Variants in DYNC1LI1 observed in about 807,000 individuals in gnomAD.
The protein encoded by DYNC1LI1 is dynein cytoplasmic 1 light intermediate chain 1, also known as cytoplasmic dynein 1 light intermediate chain 1.
Under a neutral mutation model 63.8 loss-of-function variants are expected in DYNC1LI1, and 19 were observed. The ratio of observed to expected loss-of-function variants is 0.30; its 90% CI spans 0.21 to 0.44. DYNC1LI1 has a LOEUF of 0.44. DYNC1LI1 is among the 20% of genes least tolerant of loss of function. DYNC1LI1 has a pLI of 1.00. For synonymous variants in DYNC1LI1, 225 were observed against 232.3 expected (o/e 0.97, Z 0.28); for missense variants, 565 against 630.2 (o/e 0.90, Z 1.11).
At chr3:32,553,258 A>G (rs1469967827) in intron 2 of DYNC1LI1, among the ~76,000 whole-genome samples, 1 of 152,054 alleles carries the variant, frequency 6.6e-6, no homozygotes, top group Non-Finnish European at 1.5e-5. Flanking sequence ...CAGCTCAGGC[A>G]TGGGAGAATC....
intron 2 of DYNC1LI1, among the ~76,000 whole-genome samples, chr3:32,551,480 GAGA>G (rs1698038513): frequency 6.6e-6 from 1 of 152,212 alleles, no homozygotes; most frequent in African/African-American, 2.4e-5. Context: ...ATGCCAAGCT[GAGA>G]AGGTCAGACT....
intron 2 of DYNC1LI1, chr3:32,566,711 C>A (rs1194746974): frequency 4.6e-6 from 2 of 435,616 alleles, no homozygotes; most frequent in Non-Finnish European, 9.1e-6. Context: ...ACACTCTAGC[C>A]GGGGCAACAA....
rs574629394 is a variant in DYNC1LI1, at chr3:32,551,780, C to T, written c.221-5815G>A. ...ACTTCAGAAACACCATCCTCTTTAC[C>T]AGCTGCCTCTGAAGTGTTTGGTCCT... On this transcript the variant is annotated intron_variant, in intron 2 of 12. Transcript: ENST00000273130. Among the ~76,000 whole-genome samples the T allele has an allele frequency of 5.3e-5, 8 of 152,264 alleles. No homozygotes were observed. The South Asian group carries it at 1.7e-3, about 32-fold the overall frequency.
At chr3:32,545,820 C>A in intron 3 of DYNC1LI1, 29 bp downstream of exon 3, 1 of 1,506,074 alleles carries the variant, frequency 6.6e-7, no homozygotes, top group Non-Finnish European at 9.2e-7. Flanking sequence ...AAATAGACTT[C>A]AGAAATTTAT....
intron 2 of DYNC1LI1, among the ~76,000 whole-genome samples, chr3:32,559,972 G>C (rs1360445680): frequency 6.6e-6 from 1 of 152,136 alleles, no homozygotes; most frequent in Non-Finnish European, 1.5e-5. Context: ...CCATCTCCTA[G>C]AGGGCATCTT....
At chr3:32,566,287 G>A (rs1698258760) in intron 2 of DYNC1LI1, among the ~76,000 whole-genome samples, 1 of 151,906 alleles carries the variant, frequency 6.6e-6, no homozygotes, top group Admixed American at 6.6e-5. Flanking sequence ...TAAAAATTCT[G>A]TGTCTGTTTC....
chr3:32,558,421 A>AG (rs1553619366), intron 2 of DYNC1LI1, among the ~76,000 whole-genome samples: 30 of 150,546 alleles, frequency 2.0e-4, no homozygotes, highest in East Asian at 7.8e-4. Context: ...AAAAAAAAAA[A>AG]AAAAGAAAAG....
At chr3:32,550,729 A>G (rs917886243) in intron 2 of DYNC1LI1, among the ~76,000 whole-genome samples, 26 of 152,140 alleles carry the variant, frequency 1.7e-4, no homozygotes, top group African/African-American at 5.6e-4. Context: ...ACTGGGACCC[A>G]CCCCCTTAGT....
chr3:32,539,763 CTGATCTCA>C (rs1313838332), intron 5 of DYNC1LI1, among the ~76,000 whole-genome samples: 3 of 151,592 alleles, frequency 2.0e-5, no homozygotes, highest in South Asian at 2.1e-4. Flanking sequence ...TCTCGATCTC[CTGATCTCA>C]TGATCCGCCC....
At chr3:32,529,447 A>C (rs1003570787) in intron 11 of DYNC1LI1, 93 bp downstream of exon 11, 2 of 1,261,608 alleles carry the variant, frequency 1.6e-6, no homozygotes, top group Non-Finnish European at 2.2e-6. Context: ...ATTACACAAG[A>C]ATGAAAATAG....
intron 2 of DYNC1LI1, among the ~76,000 whole-genome samples, chr3:32,549,248 G>C (rs558753740): frequency 2.7e-5 from 4 of 150,092 alleles, no homozygotes; most frequent in Non-Finnish European, 5.9e-5. Context: ...TATAATTTTG[G>C]GGTTTGGAGT....
chr3:32,527,958 T>C (rs1697642908), intron 12 of DYNC1LI1, among the ~76,000 whole-genome samples: 1 of 150,410 alleles, frequency 6.6e-6, no homozygotes, highest in Non-Finnish European at 1.5e-5. Flanking sequence ...CCGTTTCTAC[T>C]AAAAATACAA....
intron 4 of DYNC1LI1, among the ~76,000 whole-genome samples, chr3:32,543,552 C>T (rs1315411626): frequency 4.6e-5 from 7 of 150,828 alleles, no homozygotes; most frequent in Non-Finnish European, 1.0e-4. Context: ...GCACCCGCCA[C>T]CATGCTGGGC....
chr3:32,542,408 ATTTT>A (rs35822448), intron 4 of DYNC1LI1, among the ~76,000 whole-genome samples: 1 of 133,712 alleles, frequency 7.5e-6, no homozygotes. Flanking sequence ...GCTATTTTCA[ATTTT>A]TTTTTTTTTT....
intron 2 of DYNC1LI1, among the ~76,000 whole-genome samples, chr3:32,565,200 CAA>C (rs1323274822): frequency 1.3e-5 from 2 of 152,058 alleles, no homozygotes; most frequent in African/African-American, 4.8e-5. Flanking sequence ...CAATAACTCA[CAA>C]GATTAAAATA....
At chr3:32,569,878 A>G (rs1367815735) in intron 2 of DYNC1LI1, among the ~76,000 whole-genome samples, 1 of 152,266 alleles carries the variant, frequency 6.6e-6, no homozygotes, top group Non-Finnish European at 1.5e-5. Context: ...AGAACGCTGA[A>G]TCAAGAACAT....
Position 32,526,677 on chromosome 3 carries a change from ACG to A in DYNC1LI1, c.*120_*121del, listed in dbSNP as rs1697623158. 5.8e-6 allele frequency: 4 copies of A among 693,060 alleles called. No homozygotes were observed. Among genetic ancestry groups the A allele is most frequent in the Non-Finnish European group, 7.5e-6 (3 of 398,328 alleles). 42.9% of individuals were successfully genotyped at this position (693,060 alleles called of 1,614,324 possible). A position where few individuals can be genotyped will look rare whatever the true frequency, so the allele number is the denominator to read the frequency against. On this transcript the variant is annotated 3_prime_UTR_variant, in exon 13 of 13. Coordinates refer to ENST00000273130, the MANE Select transcript of DYNC1LI1 (RefSeq NM_016141.4). ...ACCACACACACACACACACACACAC[ACG>A]ACATAAATTTAGTCCATCTGAAGAA...
At chr3:32,537,810 A>C (rs1206446660) in intron 5 of DYNC1LI1, among the ~76,000 whole-genome samples, 1 of 137,170 alleles carries the variant, frequency 7.3e-6, no homozygotes, top group African/African-American at 2.7e-5. Context: ...ATAAACATTT[A>C]ATAATGGTCA....
Position 32,526,538 on chromosome 3 carries a change from T to A in DYNC1LI1, c.*261A>T. 3.7e-6 allele frequency: 1 copy of A among 272,572 alleles called. No homozygotes were observed. The highest frequency in any genetic ancestry group is 7.0e-6 in the Non-Finnish European group (1 of 143,226). 16.9% of individuals were successfully genotyped at this position (272,572 alleles called of 1,614,324 possible). A position where few individuals can be genotyped will look rare whatever the true frequency, so the allele number is the denominator to read the frequency against. ...TGGCTGTATTTCAGATCTAAAAGTTTTGAGATTTTCAAAATCAAAAATTAC... is the reference window on the plus strand; with the variant it reads ...TGGCTGTATTTCAGATCTAAAAGTTATGAGATTTTCAAAATCAAAAATTAC... On this transcript the variant is annotated 3_prime_UTR_variant, in exon 13 of 13. Coordinates refer to ENST00000273130, the MANE Select transcript of DYNC1LI1 (RefSeq NM_016141.4).
Sources: gnomAD v4.1 joint callset for allele counts (sites outside exome capture counted in the v4.1 genomes callset) on GRCh38, gnomAD v4.1.1 for gene constraint, MANE v1.5 for transcripts, NCBI Gene and HGNC (gene_info 2026-07-23, HGNC 2026-07-21) for gene names.